Variants in GRXCR2 observed in about 807,000 individuals in gnomAD.
GRXCR2 encodes glutaredoxin domain-containing cysteine-rich protein 2.
In GRXCR2, 23 loss-of-function variants were observed where a neutral mutation model predicts 24.8. The observed-to-expected ratio is 0.93, with a 90% CI of 0.67 to 1.32. The LOEUF is 1.32. Ranked by LOEUF, GRXCR2 falls within the 40% of genes most tolerant of loss-of-function variation. The probability of loss-of-function intolerance (pLI) is 0.00; values close to 1 mark genes in which losing one functional copy is unlikely to be tolerated. For missense variants in GRXCR2, 315 were observed against 303.4 expected (o/e 1.04, Z -0.28); for synonymous variants, 130 against 116.1 (o/e 1.12, Z -0.77).
upstream of GRXCR2, among the ~76,000 whole-genome samples, chr5:145,875,748 C>G (rs1172727187): frequency 6.6e-6 from 1 of 152,142 alleles, no homozygotes; most frequent in Non-Finnish European, 1.5e-5. Context: ...CCCCAGGATG[C>G]AGAGTTGTCT....
intron 2 of GRXCR2, among the ~76,000 whole-genome samples, chr5:145,896,148 C>T (rs1056391696): frequency 2.2e-4 from 33 of 152,106 alleles, no homozygotes; most frequent in African/African-American, 7.5e-4. Flanking sequence ...GGATTAAAGA[C>T]TTAAATGTTA....
In GRXCR2 at chr5:145,872,768, A is replaced by G; in HGVS notation, c.201T>C (p.Ser67=). 1 of 1,614,234 alleles carries G rather than the reference A, an allele frequency of 6.2e-7. No individual in the cohort carries two copies. Among genetic ancestry groups the G allele is most frequent in the Non-Finnish European group, 8.5e-7 (1 of 1,180,030 alleles). Residue 67 remains serine (S), a synonymous_variant, in exon 1 of 3, where the codon TCT becomes TCC. Coordinates refer to ENST00000377976, the MANE Select transcript of GRXCR2 (RefSeq NM_001080516.2). ...SLETMDGVYG[S]GEVPRPQMCS... ...ACATCTGGGGCCTGGGGACTTCCCC[A>G]GACCCATAAACACCATCCATTGTTT...
chr5:145,875,452 A>G (rs148988261), upstream of GRXCR2, among the ~76,000 whole-genome samples: 2,172 of 152,028 alleles, frequency 0.014, 55 homozygotes, highest in African/African-American at 0.05. Flanking sequence ...GGGAGGCTAG[A>G]GCAGGAGAAT....
chr5:145,893,889 C>A (rs1273732263), intron 2 of GRXCR2, among the ~76,000 whole-genome samples: 1 of 152,134 alleles, frequency 6.6e-6, no homozygotes, highest in African/African-American at 2.4e-5. Flanking sequence ...GGAAGTAAAG[C>A]ACTCCTCAGC....
At chr5:145,908,162 A>T (rs1251464510) in intron 2 of GRXCR2, among the ~76,000 whole-genome samples, 1 of 152,170 alleles carries the variant, frequency 6.6e-6, no homozygotes. Flanking sequence ...GATGAGATGC[A>T]CTGTCCTCCA....
upstream of GRXCR2, among the ~76,000 whole-genome samples, chr5:145,873,291 G>A (rs1016388999): frequency 6.6e-6 from 1 of 152,198 alleles, no homozygotes; most frequent in Non-Finnish European, 1.5e-5. Flanking sequence ...GACTGAACAT[G>A]TGCCAATTCA....
chr5:145,887,163 G>A (rs1277153637), intron 2 of GRXCR2, among the ~76,000 whole-genome samples: 2 of 152,256 alleles, frequency 1.3e-5, no homozygotes, highest in South Asian at 2.1e-4. Context: ...TAGCACGATC[G>A]TAGCTCACTT....
intron 2 of GRXCR2, among the ~76,000 whole-genome samples, chr5:145,893,957 C>G (rs1756909429): frequency 6.6e-6 from 1 of 152,078 alleles, no homozygotes. Flanking sequence ...TGCAATCAAA[C>G]TAGAACTCAG....
intron 2 of GRXCR2, among the ~76,000 whole-genome samples, chr5:145,886,048 C>T (rs900789615): frequency 2.6e-5 from 4 of 152,118 alleles, no homozygotes; most frequent in Non-Finnish European, 5.9e-5. Flanking sequence ...ATGAAATTGA[C>T]CACTTGGAAA....
At chr5:145,907,736 G>C (rs1757112040) in intron 2 of GRXCR2, among the ~76,000 whole-genome samples, 1 of 152,124 alleles carries the variant, frequency 6.6e-6, no homozygotes, top group Non-Finnish European at 1.5e-5. Flanking sequence ...AGAGAGAAGT[G>C]TTGGGGAAGA....
intron 2 of GRXCR2, among the ~76,000 whole-genome samples, chr5:145,895,180 A>T (rs1482120037): frequency 6.6e-6 from 1 of 152,116 alleles, no homozygotes; most frequent in Non-Finnish European, 1.5e-5. Context: ...CCAATATCAT[A>T]CTGAATGGGC....
chr5:145,879,737 A>C (rs954416690), intron 2 of GRXCR2, among the ~76,000 whole-genome samples: 3 of 152,206 alleles, frequency 2.0e-5, no homozygotes, highest in African/African-American at 7.2e-5. Flanking sequence ...ACCCCAAATC[A>C]ACAGAATATA....
intron 1 of GRXCR2, among the ~76,000 whole-genome samples, chr5:145,868,360 C>A (rs777071149): frequency 1.4e-4 from 21 of 152,162 alleles, no homozygotes; most frequent in Non-Finnish European, 2.6e-4. Flanking sequence ...TCAGCCAAAA[C>A]CTGGCTTGAG....
At chr5:145,876,588 C>G (rs1561679797), upstream of GRXCR2, among the ~76,000 whole-genome samples, 1 of 152,108 alleles carries the variant, frequency 6.6e-6, no homozygotes, top group Non-Finnish European at 1.5e-5. Flanking sequence ...AACTACTTGT[C>G]AAGTAAACAT....
intron 2 of GRXCR2, 37 bp downstream of exon 2, chr5:145,866,464 C>T (rs372393420): frequency 1.3e-6 from 2 of 1,499,768 alleles, no homozygotes; most frequent in Admixed American, 1.7e-5. Flanking sequence ...TGCTGTAGGG[C>T]CAGCTCCGAG....
upstream of GRXCR2, among the ~76,000 whole-genome samples, chr5:145,876,635 C>G (rs1320680976): frequency 6.6e-6 from 1 of 152,058 alleles, no homozygotes; most frequent in East Asian, 1.9e-4. Flanking sequence ...GTAACAACAA[C>G]AAAAACAAAG....
In GRXCR2 at chr5:145,866,706, C is replaced by G; in HGVS notation, c.359G>C (p.Gly120Ala). The change falls in exon 2 of 3, where the codon GGA (glycine) becomes GCA (alanine). Residue 120 changes from glycine to alanine, a missense_variant. Physicochemically the swap from Gly to Ala is moderately conservative, Grantham distance 60 (BLOSUM62 0). Transcript: ENST00000377976. ...GTTATTAGTGTAGATGATTATCTTT[C>G]CAAAATCTATAATAGGTAGGGGCTA... is the stretch of plus-strand genomic sequence containing the variant. Reference protein sequence around the residue: ...DHKPLPIIDFGKIIIYTNNLK... With the variant: ...DHKPLPIIDFAKIIIYTNNLK... 1 of 1,610,262 alleles carries G rather than the reference C, an allele frequency of 6.2e-7. No individual in the cohort carries two copies. The highest frequency in any genetic ancestry group is 8.5e-7 in the Non-Finnish European group (1 of 1,176,688).
At chr5:145,902,287 G>A (rs1192050032) in intron 2 of GRXCR2, among the ~76,000 whole-genome samples, 2 of 152,000 alleles carry the variant, frequency 1.3e-5, no homozygotes, top group African/African-American at 4.8e-5. Context: ...ATTTTTTGTA[G>A]ATACAGTGTC....
intron 2 of GRXCR2, among the ~76,000 whole-genome samples, chr5:145,928,089 A>G (rs1389162401): frequency 2.6e-5 from 4 of 151,886 alleles, no homozygotes; most frequent in East Asian, 1.9e-4. Context: ...AAAAGTGGGC[A>G]AAGGATATGA....
Sources: allele counts gnomAD v4.1 joint callset (sites outside exome capture counted in the v4.1 genomes callset), GRCh38; gene constraint gnomAD v4.1.1; transcripts MANE v1.5; gene names NCBI Gene and HGNC (gene_info 2026-07-23, HGNC 2026-07-21).